Variants in DCC observed in about 807,000 individuals in gnomAD.
The protein encoded by DCC is netrin receptor DCC.
A neutral mutation model predicts 172.5 loss-of-function variants in DCC; 58 were observed. The ratio of observed to expected loss-of-function variants is 0.34; its 90% confidence interval spans 0.27 to 0.42. The LOEUF (loss-of-function observed/expected upper bound fraction) is 0.42. Among genes scored for constraint, DCC ranks in the 10% least tolerant of loss-of-function variants. The probability of loss-of-function intolerance (pLI) is 1.00; values close to 1 mark genes in which losing one functional copy is unlikely to be tolerated. For synonymous variants in DCC, 709 were observed against 644.5 expected (o/e 1.10, Z -1.52); for missense variants, 1,740 against 1,791.0 (o/e 0.97, Z 0.51).
chr18:53,124,840 C>T (rs1282173325), intron 7 of DCC, among the ~76,000 whole-genome samples: 2 of 151,884 alleles, frequency 1.3e-5, no homozygotes, highest in Non-Finnish European at 2.9e-5. Context: ...TGTGGTGGCA[C>T]ATGCCTGTAG....
At chr18:52,458,219 C>A (rs760578872) in intron 1 of DCC, among the ~76,000 whole-genome samples, 1 of 152,148 alleles carries the variant, frequency 6.6e-6, no homozygotes, top group Non-Finnish European at 1.5e-5. Context: ...CCCAGTCACA[C>A]GGCTGCAGGG....
chr18:52,697,555 C>T (rs1312143038), intron 1 of DCC, among the ~76,000 whole-genome samples: 1 of 152,088 alleles, frequency 6.6e-6, no homozygotes, highest in South Asian at 2.1e-4. Context: ...ATAAAAAGAA[C>T]TTAAAAATCT....
chr18:53,282,065 GC>G (rs5825003), intron 12 of DCC, among the ~76,000 whole-genome samples: 55,836 of 151,834 alleles, frequency 0.37, 11,043 homozygotes, highest in South Asian at 0.56. Context: ...GAAACAAATG[GC>G]TTTTTTTCAC....
intron 14 of DCC, among the ~76,000 whole-genome samples, chr18:53,334,334 C>T (rs1201665853): frequency 6.6e-6 from 1 of 152,194 alleles, no homozygotes; most frequent in Admixed American, 6.6e-5. Context: ...TCTTACTTAT[C>T]TTGACTTGCC....
At position 53,335,458 on chromosome 18, in the gene DCC, G is replaced by A. The variant is rs73467209; in HGVS notation, c.2165-4255G>A. Among the ~76,000 whole-genome samples the A allele has an allele frequency of 2.2e-3, 328 of 152,274 alleles. 1 individual carries two copies. The highest frequency in any genetic ancestry group is 7.6e-3 in the African/African-American group (317 of 41,558). Reference sequence around the variant, plus strand: ...ACAGGGATTAATATAATACATGACCGAGTATGCTGCATGTGAACATTACAC... The same window carrying A: ...ACAGGGATTAATATAATACATGACCAAGTATGCTGCATGTGAACATTACAC... On this transcript the variant is annotated intron_variant, in intron 14 of 28. Coordinates refer to ENST00000442544, the MANE Select transcript of DCC (RefSeq NM_005215.4).
intron 7 of DCC, among the ~76,000 whole-genome samples, chr18:53,092,312 G>A (rs9807257): frequency 0.039 from 5,979 of 152,154 alleles, 367 homozygotes; most frequent in African/African-American, 0.13. Flanking sequence ...AACCGAAGTC[G>A]TAAGCAAGTG....
At chr18:53,488,187 C>T (rs1383571879) in intron 26 of DCC, among the ~76,000 whole-genome samples, 1 of 152,174 alleles carries the variant, frequency 6.6e-6, no homozygotes, top group African/African-American at 2.4e-5. Context: ...GATTTGGAGA[C>T]AAGCCTGGCC....
chr18:52,466,905 G>A (rs1447596864), intron 1 of DCC, among the ~76,000 whole-genome samples: 1 of 152,066 alleles, frequency 6.6e-6, no homozygotes, highest in African/African-American at 2.4e-5. Flanking sequence ...TGGAAGATGA[G>A]CAAATCATAA....
At chr18:53,386,274 T>C in intron 16 of DCC, 136 bp downstream of exon 16, 1 of 694,908 alleles carries the variant, frequency 1.4e-6, no homozygotes, top group South Asian at 1.6e-5. Context: ...AGAGAATAAT[T>C]ATCCTCTGAG....
At chr18:53,088,338 C>G (rs1386289119) in intron 7 of DCC, among the ~76,000 whole-genome samples, 1 of 152,086 alleles carries the variant, frequency 6.6e-6, no homozygotes, top group Non-Finnish European at 1.5e-5. Flanking sequence ...AAGTTGTATT[C>G]CTAGGTATTT....
intron 1 of DCC, among the ~76,000 whole-genome samples, chr18:52,750,521 T>C (rs2036978295): frequency 6.6e-6 from 1 of 152,196 alleles, no homozygotes; most frequent in Non-Finnish European, 1.5e-5. Context: ...CCAGATGCTT[T>C]CTGAGTGAGT....
chr18:53,096,330 T>C (rs2043087925), intron 7 of DCC, among the ~76,000 whole-genome samples: 1 of 152,012 alleles, frequency 6.6e-6, no homozygotes, highest in South Asian at 2.1e-4. Flanking sequence ...CAGTGAGGCC[T>C]TGTAGCTAAA....
At chr18:52,629,898 G>A (rs900782753) in intron 1 of DCC, among the ~76,000 whole-genome samples, 2 of 146,670 alleles carry the variant, frequency 1.4e-5, no homozygotes, top group East Asian at 2.0e-4. Context: ...TGCAGTGAGC[G>A]GAGATGGCGC....
intron 5 of DCC, among the ~76,000 whole-genome samples, chr18:52,961,457 A>G (rs2040841447): frequency 6.6e-6 from 1 of 152,136 alleles, no homozygotes; most frequent in Non-Finnish European, 1.5e-5. Context: ...TCTGTACCAC[A>G]ATAATGGATA....
chr18:52,815,415 C>T (rs976550495), intron 2 of DCC, among the ~76,000 whole-genome samples: 4 of 28,192 alleles, frequency 1.4e-4, no homozygotes, highest in Non-Finnish European at 4.6e-4. Flanking sequence ...CACACGTACA[C>T]ACACACACAC....
chr18:53,505,771 C>T (rs945279137), intron 27 of DCC, among the ~76,000 whole-genome samples: 20 of 152,294 alleles, frequency 1.3e-4, no homozygotes, highest in African/African-American at 4.8e-4. Context: ...TTGGATTATA[C>T]TGCAGAGTGG....
At chr18:52,768,355 G>T (rs73955903) in intron 2 of DCC, among the ~76,000 whole-genome samples, 2,725 of 152,230 alleles carry the variant, frequency 0.018, 95 homozygotes, top group African/African-American at 0.062. Flanking sequence ...AAATTGCAGG[G>T]AGAAGGCTTA....
chr18:52,614,280 G>A (rs906213048), intron 1 of DCC, among the ~76,000 whole-genome samples: 6 of 152,132 alleles, frequency 3.9e-5, no homozygotes, highest in Non-Finnish European at 7.4e-5. Flanking sequence ...TCTCTTTGAA[G>A]GTGACCTTAT....
chr18:52,475,147 A>G (rs1162898194), intron 1 of DCC, among the ~76,000 whole-genome samples: 1 of 152,208 alleles, frequency 6.6e-6, no homozygotes, highest in Non-Finnish European at 1.5e-5. Context: ...TGTTTCATCT[A>G]TCTGCATTTT....
Sources: gnomAD v4.1 joint callset for allele counts (sites outside exome capture counted in the v4.1 genomes callset) on GRCh38, gnomAD v4.1.1 for gene constraint, MANE v1.5 for transcripts, NCBI Gene and HGNC (gene_info 2026-07-23, HGNC 2026-07-21) for gene names.